Variants in VWCE observed in about 807,000 individuals in gnomAD.
VWCE encodes von Willebrand factor C and EGF domain-containing protein.
Under a neutral mutation model 102.9 loss-of-function variants are expected in VWCE, and 68 were observed. That is an observed-to-expected ratio of 0.66 (90% confidence interval 0.54 to 0.81). The LOEUF (loss-of-function observed/expected upper bound fraction) is 0.81. VWCE is among the 30% of genes least tolerant of loss of function. The probability of loss-of-function intolerance (pLI) is 0.00; values close to 1 mark genes in which losing one functional copy is unlikely to be tolerated. For missense variants in VWCE, 1,137 were observed against 1,263.6 expected (o/e 0.90, Z 1.52); for synonymous variants, 497 against 515.4 (o/e 0.96, Z 0.48).
chr11:61,270,086 T>A (rs1854636253), intron 14 of VWCE, among the ~76,000 whole-genome samples: 1 of 151,736 alleles, frequency 6.6e-6, no homozygotes, highest in South Asian at 2.1e-4. Flanking sequence ...CCCAGCTAAT[T>A]TTTTTTGTAT....
intron 1 of VWCE, among the ~76,000 whole-genome samples, chr11:61,293,589 T>C (rs979885834): frequency 6.6e-6 from 1 of 151,936 alleles, no homozygotes; most frequent in African/African-American, 2.4e-5. Flanking sequence ...GGTTTGAGCT[T>C]CCAACCCCAC....
intron 15 of VWCE, among the ~76,000 whole-genome samples, chr11:61,268,087 AAAAT>A (rs1228077566): frequency 6.6e-6 from 1 of 150,860 alleles, no homozygotes; most frequent in Non-Finnish European, 1.5e-5. Context: ...AAAATAAAAT[AAAAT>A]AAATAAATAT....
chr11:61,280,896 G>C lies in VWCE; in HGVS notation c.1127C>G (p.Ser376Cys), dbSNP rs562553762. 2.6e-6 allele frequency: 4 copies of C among 1,531,202 alleles called. No individual in the cohort carries two copies. Among genetic ancestry groups the C allele is most frequent in the Non-Finnish European group, 3.5e-6 (4 of 1,141,332 alleles). The allele number at this position is 1,531,202 out of a possible 1,614,324, so 94.9% of individuals were successfully genotyped here. ...AGAGGGCCCTGCTGCCAGTCGGGGG[G>C]ACTCAGGGCCCCTGGGTGAGGAAGG... ...GTPSSPRGPE[S>C]PRLAAGPSPC... Residue 376 changes from serine to cysteine, a missense_variant, in exon 8 of 20, where the codon TCC (serine) becomes TGC (cysteine). Ser to Cys is a moderately radical substitution (Grantham distance 112). This residue lies in a region of VWCE where 575 missense variants were observed against 625.9 expected (regional missense o/e 0.92). Coordinates refer to ENST00000335613, the MANE Select transcript of VWCE (RefSeq NM_152718.2).
At chr11:61,289,190 G>A (rs958161217) in intron 4 of VWCE, among the ~76,000 whole-genome samples, 12 of 151,940 alleles carry the variant, frequency 7.9e-5, no homozygotes, top group African/African-American at 2.7e-4. Flanking sequence ...TTAAATAAGG[G>A]ACAACAGACA....
At position 61,259,294 on chromosome 11, in the gene VWCE, T is replaced by G. The variant is rs1470639648; in HGVS notation, c.2249A>C (p.Glu750Ala). The change falls in exon 20 of 20, where the codon GAA becomes GCA. Residue 750 changes from glutamate to alanine, a missense_variant. By Grantham distance (107) the Glu-to-Ala change is moderately radical (BLOSUM62 -1). Coordinates refer to ENST00000335613, the MANE Select transcript of VWCE (RefSeq NM_152718.2). The stretch of plus-strand genomic sequence containing the variant: ...GTGAGGGGAGAGCCCCTGCTTTTCT[T>G]CCAGAGGAGACAGGGAATCTAGAGA... Reference protein sequence around the residue: ...SSCPDSLSPLEEKQGLSPHGN... With the variant: ...SSCPDSLSPLAEKQGLSPHGN... 6.3e-7 allele frequency: 1 copy of G among 1,586,654 alleles called. No homozygotes were observed. The highest frequency in any genetic ancestry group is 8.6e-7 in the Non-Finnish European group (1 of 1,165,484).
At position 61,295,312 on chromosome 11, in the gene VWCE, G is replaced by T. The variant is rs962864797; in HGVS notation, c.-275C>A. The T allele has an allele frequency of 1.3e-5, 4 of 308,980 alleles. No individual in the cohort carries two copies. Among genetic ancestry groups the T allele is most frequent in the Non-Finnish European group, 2.4e-5 (4 of 168,918 alleles). 19.1% of individuals were successfully genotyped at this position (308,980 alleles called of 1,614,324 possible). On this transcript the variant is annotated 5_prime_UTR_variant, in exon 1 of 20. Coordinates refer to ENST00000335613, the MANE Select transcript of VWCE (RefSeq NM_152718.2). This position sits in a 1 kb window ranked among gnomAD's most constrained non-coding sequence, Gnocchi z 4.6. ...CCCGCCTGCTGATGCCTCTCCGAGA[G>T]GCGCGGAGCCCGGGGCGGGGGCAAA...
intron 19 of VWCE, among the ~76,000 whole-genome samples, chr11:61,260,192 T>C (rs1029042155): frequency 6.6e-5 from 10 of 151,990 alleles, no homozygotes; most frequent in African/African-American, 2.4e-4. Context: ...GTGGCAGAGG[T>C]TGCAGTGAGC....
chr11:61,265,612 T>C (rs1854490230), intron 16 of VWCE, among the ~76,000 whole-genome samples: 3 of 152,196 alleles, frequency 2.0e-5, no homozygotes, highest in Admixed American at 1.3e-4. Context: ...ACCGTGAGTT[T>C]CTCAATCTTT....
At chr11:61,270,394 G>C (rs1854649364) in intron 14 of VWCE, among the ~76,000 whole-genome samples, 1 of 152,176 alleles carries the variant, frequency 6.6e-6, no homozygotes, top group Non-Finnish European at 1.5e-5. Context: ...AGGTGCAAGG[G>C]ACCTCATTTT....
chr11:61,268,848 G>A, intron 15 of VWCE, 74 bp downstream of exon 15: 1 of 1,452,354 alleles, frequency 6.9e-7, no homozygotes, highest in Non-Finnish European at 9.6e-7. Flanking sequence ...TGAGATGAAG[G>A]CTGTATAGGG....
chr11:61,278,357 A>G (rs1315422613), intron 10 of VWCE, 37 bp downstream of exon 10: 1 of 1,610,834 alleles, frequency 6.2e-7, no homozygotes, highest in Non-Finnish European at 8.5e-7. Context: ...AGGTTAAGAA[A>G]ACACCCACGA....
chr11:61,271,459 C>T lies in VWCE; in HGVS notation c.1785+216G>A, dbSNP rs182269980. On this transcript the variant is annotated intron_variant, in intron 14 of 19. Coordinates refer to ENST00000335613, the MANE Select transcript of VWCE (RefSeq NM_152718.2). The stretch of plus-strand genomic sequence containing the variant: ...CGCACCTGGCCAACAATACACACTT[C>T]TTAAGGCCAACTGCCAAGCACCATC... 1,267 of 478,174 alleles carry T rather than the reference C, an allele frequency of 2.6e-3. 15 individuals carry two copies. Among genetic ancestry groups the T allele is most frequent in the African/African-American group, 0.023 (1,184 of 50,574 alleles). 29.6% of individuals were successfully genotyped at this position (478,174 alleles called of 1,614,324 possible).
chr11:61,291,439 A>T, intron 2 of VWCE, 43 bp downstream of exon 2: 1 of 1,564,352 alleles, frequency 6.4e-7, no homozygotes, highest in Non-Finnish European at 8.7e-7. Flanking sequence ...GGCAACACAC[A>T]CTGCTGGAGG....
At chr11:61,289,036 A>G (rs1855418240) in intron 4 of VWCE, among the ~76,000 whole-genome samples, 1 of 151,560 alleles carries the variant, frequency 6.6e-6, no homozygotes, top group Non-Finnish European at 1.5e-5. Context: ...ACGGGGTTTC[A>G]CCATGTTGGT....
chr11:61,271,842 AAC>A, intron 13 of VWCE, 82 bp from the exon 14 acceptor site: 2 of 1,224,432 alleles, frequency 1.6e-6, no homozygotes, highest in South Asian at 2.6e-5. Flanking sequence ...CATGCGCACA[AAC>A]ACACACAGAC....
intron 5 of VWCE, among the ~76,000 whole-genome samples, chr11:61,284,207 A>C (rs1855236876): frequency 6.6e-6 from 1 of 152,070 alleles, no homozygotes; most frequent in South Asian, 2.1e-4. Flanking sequence ...CTACAAAAAA[A>C]AAACAAAGAA....
chr11:61,289,084 C>T (rs1312793199), intron 4 of VWCE, among the ~76,000 whole-genome samples: 9 of 152,018 alleles, frequency 5.9e-5, no homozygotes, highest in Non-Finnish European at 1.3e-4. Context: ...GTGATCCACC[C>T]ACCTCGGCCT....
At chr11:61,270,897 G>A (rs934391165) in intron 14 of VWCE, among the ~76,000 whole-genome samples, 2 of 148,610 alleles carry the variant, frequency 1.3e-5, no homozygotes, top group Non-Finnish European at 3.0e-5. Context: ...ATGTGATCAC[G>A]GCTCACTGCA....
Position 61,290,852 on chromosome 11 carries a change from A to T in VWCE, c.371T>A (p.Val124Glu). The T allele has an allele frequency of 6.2e-7, 1 of 1,612,944 alleles. No homozygotes were observed. The highest frequency in any genetic ancestry group is 8.5e-7 in the Non-Finnish European group (1 of 1,179,860). ...NHGGCQEVARVCPVGFSMTET... is the reference protein window; with the variant it reads ...NHGGCQEVARECPVGFSMTET... ...CGTCATCGAGAAGCCCACGGGGCAC[A>T]CTCGGGCCACCTCCTGACAGCCTCC... Residue 124 changes from valine (V) to glutamate (E), a missense_variant, in exon 4 of 20, where the codon GTG (valine) becomes GAG (glutamate). Physicochemically the swap from Val to Glu is moderately radical, Grantham distance 121. Around this residue, in one of 5 missense-constraint regions of VWCE, gnomAD observed 575 missense variants for 625.9 expected, o/e 0.92. Coordinates refer to ENST00000335613, the MANE Select transcript of VWCE (RefSeq NM_152718.2).
Sources: gnomAD v4.1 joint callset for allele counts (sites outside exome capture counted in the v4.1 genomes callset) on GRCh38, gnomAD v4.1.1 for gene constraint, gnomAD v4.1.1 regional missense constraint, Gnocchi (gnomAD v3.1) non-coding constraint, MANE v1.5 for transcripts, NCBI Gene and HGNC (gene_info 2026-07-23, HGNC 2026-07-21) for gene names.